The following MYCBP2 variants were observed in gnomAD, a reference collection of about 807,000 sequenced individuals.
MYCBP2 encodes E3 ubiquitin-protein ligase MYCBP2.
In MYCBP2, 120 loss-of-function variants were observed where a neutral mutation model predicts 525.3. The observed-to-expected ratio is 0.23, with a 90% CI of 0.20 to 0.27. MYCBP2 has a LOEUF of 0.27. Ranked by LOEUF, MYCBP2 falls within the 10% of genes least tolerant of loss-of-function variation. The probability of loss-of-function intolerance (pLI) is 1.00; values close to 1 mark genes in which losing one functional copy is unlikely to be tolerated. For synonymous variants in MYCBP2, 1,894 were observed against 1,955.8 expected (o/e 0.97, Z 0.83); for missense variants, 4,149 against 5,657.1 (o/e 0.73, Z 8.55).
At chr13:77,149,721 T>C (rs1047250090) in intron 47 of MYCBP2, among the ~76,000 whole-genome samples, 11 of 152,196 alleles carry the variant, frequency 7.2e-5, no homozygotes, top group Non-Finnish European at 1.3e-4. Flanking sequence ...CCATTATCAA[T>C]TGGACACAAG....
chr13:77,071,746 C>T (rs1408521210), intron 68 of MYCBP2, among the ~76,000 whole-genome samples: 1 of 152,066 alleles, frequency 6.6e-6, no homozygotes, highest in Non-Finnish European at 1.5e-5. Context: ...TTTATAGAAC[C>T]CCTCAAAGAA....
In MYCBP2 at chr13:77,223,427, G is replaced by C. The variant is rs1216147756; in HGVS notation, c.2939+1024C>G. On this transcript the variant is annotated intron_variant, in intron 20 of 82. Transcript: ENST00000544440. ...ATAAATTCTTTGCATATCTAATCCT[G>C]TCTTGGCATCTGCTTTCTGGAAGAC... Among the ~76,000 whole-genome samples, 5 of 152,218 alleles carry C rather than the reference G, an allele frequency of 3.3e-5. No homozygotes were observed. In the East Asian group the frequency reaches 9.6e-4, roughly 29 times the overall value.
chr13:77,205,460 GA>G lies in MYCBP2; in HGVS notation c.3715+12del. On this transcript the variant is annotated intron_variant, in intron 25 of 82. Transcript: ENST00000544440. ...GTTGTAAGACAACATTTCCTAAACC[GA>G]AGTATACATACTTTCAAACCTGTTT... is the stretch of plus-strand genomic sequence containing the variant. The G allele has an allele frequency of 6.2e-7, 1 of 1,612,148 alleles. No individual in the cohort carries two copies. Among genetic ancestry groups the G allele is most frequent in the Non-Finnish European group, 8.5e-7 (1 of 1,179,340 alleles).
chr13:77,324,536 T>A (rs2082069150), intron 1 of MYCBP2, among the ~76,000 whole-genome samples: 1 of 152,206 alleles, frequency 6.6e-6, no homozygotes. Flanking sequence ...TAAAATAATG[T>A]GAACTTAAAT....
chr13:77,311,574 T>C (rs1463024874), intron 1 of MYCBP2, among the ~76,000 whole-genome samples: 2 of 150,802 alleles, frequency 1.3e-5, no homozygotes, highest in African/African-American at 2.4e-5. Context: ...TGTTTTTTTT[T>C]TTTTGTTTTT....
chr13:77,056,963 A>G, intron 79 of MYCBP2, 23 bp downstream of exon 79: 2 of 1,506,830 alleles, frequency 1.3e-6, no homozygotes, highest in Non-Finnish European at 1.8e-6. Context: ...AAGAAAGTAC[A>G]TGATTTCAGA....
chr13:77,164,390 T>G lies in MYCBP2; in HGVS notation c.6547+64A>C, dbSNP rs898670353. 2.3e-5 allele frequency: 26 copies of G among 1,109,296 alleles called. No homozygotes were observed. The Middle Eastern group carries it at 8.0e-4, about 34-fold the overall frequency. The allele number at this position is 1,109,296 out of a possible 1,614,324, so 68.7% of individuals were successfully genotyped here. ...ATTTTGCAAATCTATTTTTGGCCCT[T>G]TTATAATACATACAAAACAAAACAA... On this transcript the variant is annotated intron_variant, in intron 43 of 82. Transcript: ENST00000544440.
chr13:77,202,180 T>C (rs1356239246), intron 26 of MYCBP2, among the ~76,000 whole-genome samples: 1 of 151,968 alleles, frequency 6.6e-6, no homozygotes, highest in African/African-American at 2.4e-5. Flanking sequence ...AAGAATCAAA[T>C]AGACGCAATA....
At position 77,045,487 on chromosome 13, in the gene MYCBP2, T is replaced by C. The variant is rs2035363126; in HGVS notation, c.13928A>G (p.Lys4643Arg). Residue 4643 changes from lysine to arginine, a missense_variant, in exon 83 of 83, where the codon AAA (lysine) becomes AGA (arginine). Physicochemically the swap from Lys to Arg is conservative, Grantham distance 26. This residue lies in a region of MYCBP2 where 45 missense variants were observed against 130.1 expected (regional missense o/e 0.35). Transcript: ENST00000544440. ...TTCAGTTCCTTCTAACTGCTTGCCT[T>C]TGGGACCTGTATAAATTTGAAGGAG... ...EELPHCPAGP[K>R]GKQLEGTECP... 1 of 1,611,488 alleles carries C rather than the reference T, an allele frequency of 6.2e-7. No homozygotes were observed. The highest frequency in any genetic ancestry group is 8.5e-7 in the Non-Finnish European group (1 of 1,177,832).
At chr13:77,212,755 A>G (rs894309344) in intron 21 of MYCBP2, among the ~76,000 whole-genome samples, 1 of 152,230 alleles carries the variant, frequency 6.6e-6, no homozygotes, top group African/African-American at 2.4e-5. Flanking sequence ...ATAACTATTA[A>G]CCAGTTTAAA....
At chr13:77,213,407 G>A (rs560582123) in intron 21 of MYCBP2, among the ~76,000 whole-genome samples, 38 of 152,152 alleles carry the variant, frequency 2.5e-4, no homozygotes, top group South Asian at 1.5e-3. Flanking sequence ...TCTGGGAGCC[G>A]GAGGTTTCAG....
intron 55 of MYCBP2, among the ~76,000 whole-genome samples, chr13:77,104,716 T>G (rs1443215451): frequency 6.6e-6 from 1 of 152,068 alleles, no homozygotes; most frequent in Non-Finnish European, 1.5e-5. Flanking sequence ...TAAGTAAAAC[T>G]GACACCTTAG....
intron 81 of MYCBP2, 55 bp downstream of exon 81, chr13:77,051,756 A>T: frequency 7.5e-7 from 1 of 1,328,792 alleles, no homozygotes; most frequent in Non-Finnish European, 1.1e-6. Flanking sequence ...TTGTTTAAAA[A>T]ATAATACTAT....
At chr13:77,227,623 T>C (rs945310095) in intron 18 of MYCBP2, among the ~76,000 whole-genome samples, 6 of 152,182 alleles carry the variant, frequency 3.9e-5, no homozygotes, top group African/African-American at 1.2e-4. Context: ...CCAAATGAGA[T>C]TTAACATAGA....
intron 2 of MYCBP2, among the ~76,000 whole-genome samples, chr13:77,296,330 G>T (rs2078184055): frequency 6.6e-6 from 1 of 151,850 alleles, no homozygotes; most frequent in Non-Finnish European, 1.5e-5. Flanking sequence ...TGAGGTGGAA[G>T]GATCACTTGA....
intron 14 of MYCBP2, among the ~76,000 whole-genome samples, chr13:77,253,343 A>G (rs1193355867): frequency 6.6e-6 from 1 of 151,988 alleles, no homozygotes; most frequent in Non-Finnish European, 1.5e-5. Context: ...AACATTATTC[A>G]TAATAACCAA....
chr13:77,213,815 A>G (rs2064387628), intron 21 of MYCBP2, among the ~76,000 whole-genome samples: 1 of 152,218 alleles, frequency 6.6e-6, no homozygotes, highest in South Asian at 2.1e-4. Flanking sequence ...TGTGCAAACA[A>G]ATCTATATGT....
At chr13:77,163,544 T>C (rs1301119473) in intron 43 of MYCBP2, among the ~76,000 whole-genome samples, 1 of 152,132 alleles carries the variant, frequency 6.6e-6, no homozygotes, top group Non-Finnish European at 1.5e-5. Flanking sequence ...AGAGAATCAG[T>C]AAGCATTTTT....
At chr13:77,301,275 G>A (rs1218493584) in intron 1 of MYCBP2, among the ~76,000 whole-genome samples, 2 of 151,918 alleles carry the variant, frequency 1.3e-5, no homozygotes, top group African/African-American at 2.4e-5. Flanking sequence ...AATTAGCTGG[G>A]TATGGTGGTG....
Sources: gnomAD v4.1 joint callset for allele counts (sites outside exome capture counted in the v4.1 genomes callset) on GRCh38, gnomAD v4.1.1 for gene constraint, gnomAD v4.1.1 regional missense constraint, MANE v1.5 for transcripts, NCBI Gene and HGNC (gene_info 2026-07-23, HGNC 2026-07-21) for gene names.